The following FGD4 variants were observed in gnomAD, a reference collection of about 807,000 sequenced individuals.
FGD4 encodes FYVE, RhoGEF and PH domain containing 4.
FGD4 carries 42 observed loss-of-function variants against 102.0 expected under a neutral mutation model. That is an observed-to-expected ratio of 0.41 (90% CI 0.32 to 0.53). FGD4 has a LOEUF of 0.53. Among genes scored for constraint, FGD4 ranks in the 20% least tolerant of loss-of-function variants. The probability of loss-of-function intolerance (pLI) is 0.21; values close to 1 mark genes in which losing one functional copy is unlikely to be tolerated. For missense variants in FGD4, 902 were observed against 1,078.2 expected, an observed-to-expected ratio of 0.84 and a Z score of 2.29; for synonymous variants, 380 against 375.7, an observed-to-expected ratio of 1.01 and a Z score of -0.13.
Position 32,582,093 on chromosome 12 carries a change from G to A in FGD4, c.637G>A (p.Gly213Arg). The A allele has an allele frequency of 1.2e-6, 2 of 1,614,180 alleles. No homozygotes were observed. Among genetic ancestry groups the A allele is most frequent in the Non-Finnish European group, 1.7e-6 (2 of 1,180,034 alleles). Residue 213 changes from glycine (G) to arginine (R), a missense_variant, in exon 4 of 17, where the codon GGA (glycine) becomes AGA (arginine). Gly to Arg is a moderately radical substitution (Grantham distance 125). Around this residue, in one of 2 missense-constraint regions of FGD4, gnomAD observed 443 missense variants for 459.2 expected, o/e 0.96. Transcript: ENST00000534526. ...CTCCCAGCACTTGCCACAGAGGCAG[G>A]GAAATGATACAGATAAGACTCAGGG... ...LLSQHLPQRQ[G>R]NDTDKTQGAQ...
intron 1 of FGD4, among the ~76,000 whole-genome samples, chr12:32,512,984 G>A (rs547153168): frequency 9.9e-5 from 15 of 152,130 alleles, no homozygotes; most frequent in Non-Finnish European, 1.5e-5. Flanking sequence ...CAGGCAACCT[G>A]GACATTCATT....
intron 1 of FGD4, among the ~76,000 whole-genome samples, chr12:32,437,108 C>CAAAAA (rs5797478): frequency 1.1e-3 from 122 of 108,092 alleles, no homozygotes; most frequent in African/African-American, 3.8e-3. Flanking sequence ...GACTCCATGT[C>CAAAAA]AAAAAAAAAA....
At chr12:32,528,509 C>T (rs1592121270) in intron 1 of FGD4, among the ~76,000 whole-genome samples, 1 of 152,240 alleles carries the variant, frequency 6.6e-6, no homozygotes, top group East Asian at 1.9e-4. Flanking sequence ...CTGACTCAAG[C>T]CTCCTGAGTA....
chr12:32,631,902 GA>G (rs1950522056), intron 14 of FGD4, among the ~76,000 whole-genome samples: 1 of 152,080 alleles, frequency 6.6e-6, no homozygotes, highest in Non-Finnish European at 1.5e-5. Flanking sequence ...AGTAAGCAAA[GA>G]AAAAATGTGT....
chr12:32,593,153 T>C (rs1947616569), intron 4 of FGD4, among the ~76,000 whole-genome samples: 1 of 152,238 alleles, frequency 6.6e-6, no homozygotes, highest in Non-Finnish European at 1.5e-5. Flanking sequence ...GTGCTGTCTG[T>C]AAAATAGAAA....
rs1419020708 is a variant in FGD4, at chr12:32,570,227, C to T, written c.319+5938C>T. On this transcript the variant is annotated intron_variant, in intron 2 of 16. Coordinates refer to ENST00000534526, the MANE Select transcript of FGD4 (RefSeq NM_001370298.3). Reference sequence around the variant, plus strand: ...TTGCACTCCAGCCTGGGCGATGGGGCAAGACGCTGTCTCAAAAAAAAAAAA... The same window carrying T: ...TTGCACTCCAGCCTGGGCGATGGGGTAAGACGCTGTCTCAAAAAAAAAAAA... 3.9e-5 allele frequency among the ~76,000 whole-genome samples: 4 copies of T among 102,916 alleles called. No homozygotes were observed. In the Admixed American group the frequency reaches 4.3e-4, roughly 11 times the overall value. 67.5% of individuals were successfully genotyped at this position (102,916 alleles called of 152,430 possible).
Position 32,603,542 on chromosome 12 carries a change from C to G in FGD4, c.1404+1225C>G, listed in dbSNP as rs143306416. Among the ~76,000 whole-genome samples, 1,035 of 152,022 alleles carry G rather than the reference C, an allele frequency of 6.8e-3. 10 individuals carry two copies. Among genetic ancestry groups the G allele is most frequent in the African/African-American group, 0.024 (982 of 41,448 alleles). ...CTGGGACTACAGGCGCCTGCCACCA[C>G]GCCTGGCTAATTTTTTGTATTTTTA... On this transcript the variant is annotated intron_variant, in intron 7 of 16. Coordinates refer to ENST00000534526, the MANE Select transcript of FGD4 (RefSeq NM_001370298.3).
chr12:32,504,232 A>T (rs1938486025), intron 1 of FGD4, among the ~76,000 whole-genome samples: 1 of 152,174 alleles, frequency 6.6e-6, no homozygotes, highest in Non-Finnish European at 1.5e-5. Context: ...CACTAACAAG[A>T]AACTTAGTGG....
In FGD4 at chr12:32,582,412, A is replaced by G; in HGVS notation, c.956A>G (p.Glu319Gly). The G allele has an allele frequency of 1.2e-6, 2 of 1,613,732 alleles. No individual in the cohort carries two copies. Among genetic ancestry groups the G allele is most frequent in the Non-Finnish European group, 1.7e-6 (2 of 1,180,036 alleles). The change falls in exon 4 of 17, where the codon GAA (glutamate) becomes GGA (glycine). Residue 319 changes from glutamate to glycine, a missense_variant. By Grantham distance (98) the Glu-to-Gly change is moderately conservative (BLOSUM62 -2). Transcript: ENST00000534526. ...AETETKVQER[E>G]NGESPLELEQ... ...ACAGAAACCAAGGTACAAGAGAGGG[A>G]AAATGGGGAAAGCCCTCTGGAACTG...
intron 9 of FGD4, 51 bp from the exon 10 acceptor site, chr12:32,611,086 C>T (rs752516238): frequency 1.2e-6 from 2 of 1,607,426 alleles, no homozygotes; most frequent in Admixed American, 3.3e-5. Context: ...ATTATTAAAG[C>T]TACTAGGTTG....
chr12:32,633,327 C>T (rs1950600187), intron 14 of FGD4, among the ~76,000 whole-genome samples: 1 of 152,164 alleles, frequency 6.6e-6, no homozygotes, highest in Admixed American at 6.5e-5. Context: ...TGAAGGTCTT[C>T]TACCTTTAGA....
At chr12:32,602,456 A>G in intron 7 of FGD4, 139 bp downstream of exon 7, 1 of 928,196 alleles carries the variant, frequency 1.1e-6, no homozygotes, top group Non-Finnish European at 1.7e-6. Context: ...TATGCAGATC[A>G]TCTCTGCAAT....
At chr12:32,429,810 G>A (rs1346322148) in intron 1 of FGD4, among the ~76,000 whole-genome samples, 1 of 152,152 alleles carries the variant, frequency 6.6e-6, no homozygotes, top group Non-Finnish European at 1.5e-5. Flanking sequence ...GCTATAATTA[G>A]CAGTGAGGAC....
At chr12:32,556,584 C>T (rs534546213) in intron 1 of FGD4, among the ~76,000 whole-genome samples, 6 of 152,186 alleles carry the variant, frequency 3.9e-5, no homozygotes, top group Admixed American at 6.5e-5. Flanking sequence ...CTGCTGGGCG[C>T]AGTGGCTCAC....
intron 1 of FGD4, among the ~76,000 whole-genome samples, chr12:32,534,118 C>T (rs1400197043): frequency 6.6e-6 from 1 of 152,216 alleles, no homozygotes; most frequent in African/African-American, 2.4e-5. Context: ...ATTTAGAAAT[C>T]GCCCTATTCC....
At chr12:32,572,805 T>C (rs16920058) in intron 2 of FGD4, among the ~76,000 whole-genome samples, 27,881 of 152,218 alleles carry the variant, frequency 0.18, 2,701 homozygotes, top group Middle Eastern at 0.28. Flanking sequence ...CTTTCTAATT[T>C]GTGATCTTGT....
intron 1 of FGD4, among the ~76,000 whole-genome samples, chr12:32,441,513 T>A (rs1942434407): frequency 6.6e-6 from 1 of 151,928 alleles, no homozygotes; most frequent in African/African-American, 2.4e-5. Flanking sequence ...CCTTTCCTGC[T>A]ATGGCTAAGC....
At chr12:32,461,941 G>T (rs542616471) in intron 1 of FGD4, among the ~76,000 whole-genome samples, 38 of 152,080 alleles carry the variant, frequency 2.5e-4, no homozygotes, top group African/African-American at 8.9e-4. Context: ...TGGCCATGCT[G>T]GTCTTGAACT....
At chr12:32,444,291 G>A (rs1346956723) in intron 1 of FGD4, among the ~76,000 whole-genome samples, 1 of 151,952 alleles carries the variant, frequency 6.6e-6, no homozygotes, top group Non-Finnish European at 1.5e-5. Flanking sequence ...CCAAAGTGCT[G>A]GGGTTACAGG....
Sources: gnomAD v4.1 joint callset for allele counts (sites outside exome capture counted in the v4.1 genomes callset) on GRCh38, gnomAD v4.1.1 for gene constraint, gnomAD v4.1.1 regional missense constraint, MANE v1.5 for transcripts, NCBI Gene and HGNC (gene_info 2026-07-23, HGNC 2026-07-21) for gene names.